Variants in FAIM observed in about 807,000 individuals in gnomAD.
The protein encoded by FAIM is Fas apoptotic inhibitory molecule, also known as fas apoptotic inhibitory molecule 1.
A neutral mutation model predicts 21.2 loss-of-function variants in FAIM; 14 were observed. The observed-to-expected ratio is 0.66, with a 90% CI of 0.44 to 1.03. The LOEUF is 1.03. Ranked by LOEUF, FAIM falls within the 50% of genes least tolerant of loss-of-function variation. The pLI, the probability that FAIM is intolerant of heterozygous loss-of-function variation, is 0.00. For synonymous variants in FAIM, 86 were observed against 80.4 expected, an observed-to-expected ratio of 1.07 and a Z score of -0.37; for missense variants, 222 against 247.1, an observed-to-expected ratio of 0.90 and a Z score of 0.68.
intron 1 of FAIM, among the ~76,000 whole-genome samples, chr3:138,617,073 A>C (rs1241879079): frequency 6.6e-6 from 1 of 152,080 alleles, no homozygotes; most frequent in Non-Finnish European, 1.5e-5. Context: ...AGAAGAAAAA[A>C]TGTTTTAATG....
Position 138,621,496 on chromosome 3 carries a change from A to G in FAIM, c.134A>G (p.His45Arg). ...SDGVHKIEFE[H>R]GTTSGKRVVY... Reference sequence around the variant, plus strand: ...GGAGTCCACAAGATCGAATTTGAACATGGGACTACATCAGGCAAACGAGTA... The same window carrying G: ...GGAGTCCACAAGATCGAATTTGAACGTGGGACTACATCAGGCAAACGAGTA... Residue 45 changes from histidine to arginine, a missense_variant, in exon 3 of 6, where the codon CAT becomes CGT. Physicochemically the swap from His to Arg is conservative, Grantham distance 29 (BLOSUM62 0). Coordinates refer to ENST00000360570, the MANE Select transcript of FAIM (RefSeq NM_001033031.2). 1 of 1,614,032 alleles carries G rather than the reference A, an allele frequency of 6.2e-7. No homozygotes were observed. The highest frequency in any genetic ancestry group is 8.5e-7 in the Non-Finnish European group (1 of 1,179,934).
intron 5 of FAIM, 119 bp from the exon 6 acceptor site, chr3:138,632,811 C>A (rs2043019583): frequency 2.0e-6 from 2 of 1,003,956 alleles, no homozygotes; most frequent in South Asian, 2.4e-5. Context: ...TTTTTCAAAG[C>A]TTATTGTTTA....
intron 4 of FAIM, among the ~76,000 whole-genome samples, chr3:138,626,221 G>A (rs977712095): frequency 6.6e-6 from 1 of 152,146 alleles, no homozygotes; most frequent in African/African-American, 2.4e-5. Flanking sequence ...CCAGCACTGA[G>A]TCATAATAGA....
chr3:138,631,868 C>G (rs1236251806), intron 5 of FAIM, among the ~76,000 whole-genome samples: 1 of 152,096 alleles, frequency 6.6e-6, no homozygotes, highest in African/African-American at 2.4e-5. Flanking sequence ...CCATAAGGAG[C>G]CACGGGCCAC....
intron 4 of FAIM, among the ~76,000 whole-genome samples, chr3:138,625,049 C>T (rs568772952): frequency 2.4e-4 from 37 of 152,056 alleles, no homozygotes; most frequent in Non-Finnish European, 3.4e-4. Context: ...GCCTGTAGTC[C>T]CAACTACTTG....
intron 3 of FAIM, 46 bp downstream of exon 3, chr3:138,621,585 A>G: frequency 6.4e-7 from 1 of 1,553,794 alleles, no homozygotes; most frequent in South Asian, 1.2e-5. Flanking sequence ...ATATAGAGAA[A>G]CTTGATTTTG....
chr3:138,622,446 T>A (rs774437301), intron 4 of FAIM, 30 bp downstream of exon 4: 1 of 1,400,488 alleles, frequency 7.1e-7, no homozygotes, highest in Non-Finnish European at 9.8e-7. Context: ...GCAGAACTTT[T>A]TTTTTTTTTT....
intron 3 of FAIM, among the ~76,000 whole-genome samples, chr3:138,621,814 G>A (rs1193542954): frequency 2.0e-5 from 3 of 150,578 alleles, no homozygotes; most frequent in Non-Finnish European, 4.4e-5. Context: ...ACGGAGTCTC[G>A]CTGTGTCACC....
chr3:138,629,810 C>G (rs888138577), intron 5 of FAIM: 2 of 152,228 alleles, frequency 1.3e-5, no homozygotes, highest in African/African-American at 4.8e-5. Flanking sequence ...GAGGCTCCCC[C>G]AGTCACTGTG....
intron 1 of FAIM, among the ~76,000 whole-genome samples, chr3:138,617,559 A>G (rs1023917190): frequency 2.7e-5 from 4 of 146,754 alleles, no homozygotes; most frequent in Admixed American, 2.1e-4. Flanking sequence ...CTATCTGTCT[A>G]TCTATATCTG....
chr3:138,608,872 G>C lies in FAIM; in HGVS notation c.-82G>C, dbSNP rs1006425043. ...GCAAGGCCACGCGGCCTACGCAGCCGAGTCGGAACCAACCGGTTGTTTGGT... is the reference window on the plus strand; with the variant it reads ...GCAAGGCCACGCGGCCTACGCAGCCCAGTCGGAACCAACCGGTTGTTTGGT... On this transcript the variant is annotated 5_prime_UTR_variant, in exon 1 of 6. Transcript: ENST00000360570. 3 of 152,508 alleles carry C rather than the reference G, an allele frequency of 2.0e-5. No individual in the cohort carries two copies. The highest frequency in any genetic ancestry group is 1.3e-4 in the Admixed American group (2 of 15,306). 9.4% of individuals were successfully genotyped at this position (152,508 alleles called of 1,614,324 possible).
chr3:138,621,354 GTTAT>G, intron 2 of FAIM, 49 bp from the exon 3 acceptor site: 7 of 1,532,514 alleles, frequency 4.6e-6, no homozygotes, highest in African/African-American at 4.1e-5. Context: ...GGATTAATTG[GTTAT>G]TTAATTAGTA....
At chr3:138,626,042 C>A (rs753602763) in intron 4 of FAIM, among the ~76,000 whole-genome samples, 40 of 152,316 alleles carry the variant, frequency 2.6e-4, no homozygotes, top group Middle Eastern at 3.4e-3. Context: ...GAAGGAAATT[C>A]TCTTTCTGTT....
At chr3:138,618,524 C>T (rs6786979) in intron 1 of FAIM, among the ~76,000 whole-genome samples, 4,053 of 151,920 alleles carry the variant, frequency 0.027, 177 homozygotes, top group African/African-American at 0.092. Flanking sequence ...AAAAATTAGC[C>T]GGATGTGGTG....
chr3:138,612,297 T>A (rs537144341), intron 1 of FAIM, among the ~76,000 whole-genome samples: 1 of 152,050 alleles, frequency 6.6e-6, no homozygotes, highest in Non-Finnish European at 1.5e-5. Flanking sequence ...GAGACGGGGT[T>A]TCACCGTGTT....
At chr3:138,618,928 C>T (rs1175120612) in intron 1 of FAIM, among the ~76,000 whole-genome samples, 1 of 152,188 alleles carries the variant, frequency 6.6e-6, no homozygotes, top group Non-Finnish European at 1.5e-5. Flanking sequence ...TTTATGTGCA[C>T]TTCTGATTTT....
In FAIM at chr3:138,632,814, ATTGT is replaced by A. The variant is rs2043019715; in HGVS notation, c.457-113_457-110del. The A allele has an allele frequency of 3.9e-6, 4 of 1,019,142 alleles. No individual in the cohort carries two copies. In the East Asian group the frequency reaches 1.1e-4, roughly 28 times the overall value. 63.1% of individuals were successfully genotyped at this position (1,019,142 alleles called of 1,614,324 possible). On this transcript the variant is annotated intron_variant, in intron 5 of 5. Coordinates refer to ENST00000360570, the MANE Select transcript of FAIM (RefSeq NM_001033031.2). Reference sequence around the variant, plus strand: ...CTTTAGACTTTGTTTTTCAAAGCTTATTGTTTAACTAATACATTATTTTATTGCA... The same window carrying A: ...CTTTAGACTTTGTTTTTCAAAGCTTATTAACTAATACATTATTTTATTGCA...
At position 138,633,052 on chromosome 3, in the gene FAIM, T is replaced by A. The variant is rs201710308; in HGVS notation, c.579T>A (p.Asn193Lys). 3 of 1,613,078 alleles carry A rather than the reference T, an allele frequency of 1.9e-6. No individual in the cohort carries two copies. The African/African-American group carries it at 4.0e-5, about 22-fold the overall frequency. The change falls in exon 6 of 6, where the codon AAT (asparagine) becomes AAA (lysine). Residue 193 changes from asparagine to lysine, a missense_variant. Transcript: ENST00000360570. Reference protein sequence around the residue: ...EGIIHTLIVDNREIPEIAS With the variant: ...EGIIHTLIVDKREIPEIAS ...TTATTCATACTCTCATTGTGGATAA[T>A]AGAGAAATCCCAGAGATTGCAAGTT...
In FAIM at chr3:138,622,304, A is replaced by G. The variant is rs1362772466; in HGVS notation, c.294A>G (p.Glu98=). Residue 98 remains glutamate, a synonymous_variant, in exon 4 of 6, where the codon GAA becomes GAG. Transcript: ENST00000360570. ...NIDAISGFAY[E]YTLEINGKSL... ...ACGCTATCAGTGGTTTTGCTTATGAATATACTCTGGAAATTAATGGGAAAA... is the reference window on the plus strand; with the variant it reads ...ACGCTATCAGTGGTTTTGCTTATGAGTATACTCTGGAAATTAATGGGAAAA... The G allele has an allele frequency of 1.2e-6, 2 of 1,613,912 alleles. No individual in the cohort carries two copies. The highest frequency in any genetic ancestry group is 2.7e-5 in the African/African-American group (2 of 74,916).
Sources: gnomAD v4.1 joint callset for allele counts (sites outside exome capture counted in the v4.1 genomes callset) on GRCh38, gnomAD v4.1.1 for gene constraint, MANE v1.5 for transcripts, NCBI Gene and HGNC (gene_info 2026-07-23, HGNC 2026-07-21) for gene names.